Variants in OGG1 observed in about 807,000 individuals in gnomAD.
The protein encoded by OGG1 is N-glycosylase/DNA lyase.
OGG1 carries 35 observed loss-of-function variants against 42.3 expected under a neutral mutation model. The observed-to-expected ratio is 0.83, with a 90% CI of 0.63 to 1.10. OGG1 has a LOEUF of 1.10. Among genes scored for constraint, OGG1 ranks in the 50% least tolerant of loss-of-function variants. The probability of loss-of-function intolerance (pLI) is 0.00; values close to 1 mark genes in which losing one functional copy is unlikely to be tolerated. For missense variants in OGG1, 484 were observed against 446.7 expected (o/e 1.08, Z -0.75); for synonymous variants, 189 against 179.0 (o/e 1.06, Z -0.44).
At chr3:9,752,134 T>C in intron 3 of OGG1, 185 bp downstream of exon 3, 1 of 625,042 alleles carries the variant, frequency 1.6e-6, no homozygotes, top group East Asian at 2.7e-5. Context: ...TGTCAGCACC[T>C]CACTGGTCTG....
At position 9,754,848 on chromosome 3, in the gene OGG1, A is replaced by T. The variant is rs1166515027; in HGVS notation, c.710A>T (p.His237Leu). 1 of 1,607,908 alleles carries T rather than the reference A, an allele frequency of 6.2e-7. No individual in the cohort carries two copies. The highest frequency in any genetic ancestry group is 2.2e-5 in the East Asian group (1 of 44,740). The change falls in exon 4 of 7, where the codon CAC becomes CTC. Residue 237 changes from histidine to leucine, a missense_variant. His to Leu is a moderately conservative substitution (Grantham distance 99, BLOSUM62 -3). Transcript: ENST00000344629. Reference protein sequence around the residue: ...QLRESSYEEAHKALCILPGVG... With the variant: ...QLRESSYEEALKALCILPGVG... The stretch of plus-strand genomic sequence containing the variant: ...CGAGAGTCCTCATATGAGGAGGCCC[A>T]CAAGGCCCTCTGCATCCTGCCTGGA...
chr3:9,761,731 C>T, downstream of OGG1: 1 of 1,614,104 alleles, frequency 6.2e-7, no homozygotes, highest in Non-Finnish European at 8.5e-7. Flanking sequence ...AGTCTTCATC[C>T]AGGCTGTAGT....
At position 9,750,274 on chromosome 3, in the gene OGG1, G is replaced by A; in HGVS notation, c.-13G>A. The A allele has an allele frequency of 6.2e-7, 1 of 1,606,784 alleles. No individual in the cohort carries two copies. Among genetic ancestry groups the A allele is most frequent in the Non-Finnish European group, 8.5e-7 (1 of 1,176,136 alleles). On this transcript the variant is annotated 5_prime_UTR_variant, in exon 1 of 7. Transcript: ENST00000344629. ...GTAGGCGGGGCTACTACGGGGCGGT[G>A]CCTGCTGTGGAAATGCCTGCCCGCG...
chr3:9,776,483 G>A (rs1250992408), intron 2 of OGG1, among the ~76,000 whole-genome samples: 43 of 147,022 alleles, frequency 2.9e-4, no homozygotes, highest in Admixed American at 1.3e-3. Context: ...TCCGCCTCCC[G>A]GGTTCACGCC....
rs199715432 is a variant in OGG1 at position 9,753,387 on chromosome 3, TCA to T, written c.566-1313_566-1312del. Among the ~76,000 whole-genome samples the T allele has an allele frequency of 4.3e-3, 623 of 146,544 alleles. 14 individuals are homozygous for T. The highest frequency in any genetic ancestry group is 0.029 in the Admixed American group (416 of 14,482). On this transcript the variant is annotated intron_variant, in intron 3 of 6. Transcript: ENST00000344629. ...AAAAAACCTGGCCGGGCGTGGTGGC[TCA>T]CACCCGTAATCCCAGCATTTTGGGA...
chr3:9,781,729 C>T, intron 3 of OGG1: 1 of 406,156 alleles, frequency 2.5e-6, no homozygotes, highest in South Asian at 1.7e-5. Context: ...AGGAGATGCT[C>T]AGGTCAGGGG....
At chr3:9,786,776 C>T (rs759921916) in intron 3 of OGG1, among the ~76,000 whole-genome samples, 4 of 152,200 alleles carry the variant, frequency 2.6e-5, no homozygotes, top group Admixed American at 2.0e-4. Context: ...GCTGGTAATA[C>T]AAGCTCATTT....
chr3:9,783,219 GAAA>G (rs1212329391), intron 3 of OGG1: 1 of 151,766 alleles, frequency 6.6e-6, no homozygotes, highest in Non-Finnish European at 1.5e-5. Flanking sequence ...GGGATAAAAA[GAAA>G]AGAAGCATGA....
intron 2 of OGG1, 105 bp downstream of exon 2, chr3:9,751,297 CT>C (rs757235460): frequency 4.2e-6 from 5 of 1,192,454 alleles, no homozygotes; most frequent in Non-Finnish European, 6.1e-6. Flanking sequence ...ACTTCATAGG[CT>C]TTTATGAGGA....
At chr3:9,756,686 G>A in intron 5 of OGG1, 65 bp downstream of exon 5, 6 of 1,613,188 alleles carry the variant, frequency 3.7e-6, no homozygotes, top group Non-Finnish European at 4.2e-6. Flanking sequence ...CTCTCTCTTA[G>A]TCACCTCTCC....
chr3:9,762,805 A>C (rs2077947517), intron 7 of OGG1: 2 of 1,070,394 alleles, frequency 1.9e-6, no homozygotes, highest in Non-Finnish European at 2.8e-6. Context: ...TGTAGATGGA[A>C]ATCCAAGGCT....
At chr3:9,753,155 C>T (rs1559683708) in intron 3 of OGG1, among the ~76,000 whole-genome samples, 1 of 151,676 alleles carries the variant, frequency 6.6e-6, no homozygotes, top group Admixed American at 6.6e-5. Flanking sequence ...AGTTTGAGAC[C>T]AGACTGGCCA....
At chr3:9,755,603 A>G (rs1180496980) in intron 4 of OGG1, among the ~76,000 whole-genome samples, 1 of 151,396 alleles carries the variant, frequency 6.6e-6, no homozygotes, top group Non-Finnish European at 1.5e-5. Context: ...AGCTGGGATT[A>G]CAGGCATGCG....
chr3:9,786,078 A>C (rs542684273), intron 3 of OGG1, among the ~76,000 whole-genome samples: 1 of 152,190 alleles, frequency 6.6e-6, no homozygotes, highest in South Asian at 2.1e-4. Context: ...AGTTGGGACT[A>C]CAGGCGCCTG....
Position 9,754,721 on chromosome 3 carries a change from C to T in OGG1, c.583C>T (p.His195Tyr), listed in dbSNP as rs545825409. Reference protein sequence around the residue: ...QALAGPEVEAHLRKLGLGYRA... With the variant: ...QALAGPEVEAYLRKLGLGYRA... ...CCCCGCAGGGCCAGAGGTGGAGGCTCATCTCAGGAAGCTGGGCCTGGGCTA... is the reference window on the plus strand; with the variant it reads ...CCCCGCAGGGCCAGAGGTGGAGGCTTATCTCAGGAAGCTGGGCCTGGGCTA... The change falls in exon 4 of 7, where the codon CAT becomes TAT. Residue 195 changes from histidine (H) to tyrosine (Y), a missense_variant. Transcript: ENST00000344629. 2.4e-5 allele frequency: 39 copies of T among 1,614,152 alleles called. No homozygotes were observed. In the South Asian group the frequency reaches 2.9e-4, roughly 12 times the overall value.
downstream of OGG1, chr3:9,759,112 C>A: frequency 8.0e-7 from 1 of 1,242,330 alleles, no homozygotes; most frequent in Non-Finnish European, 1.2e-6. Flanking sequence ...TCTGGCCAGG[C>A]TTAGCACTTG....
intron 2 of OGG1, among the ~76,000 whole-genome samples, chr3:9,774,070 GAGAAAATGGA>G (rs1207084858): frequency 6.6e-6 from 1 of 152,056 alleles, no homozygotes; most frequent in Non-Finnish European, 1.5e-5. Context: ...ACTAAGATTA[GAGAAAATGGA>G]AGAAATAACA....
downstream of OGG1, chr3:9,757,957 G>T (rs953740336): frequency 1.3e-6 from 2 of 1,488,414 alleles, no homozygotes; most frequent in Admixed American, 2.5e-5. The surrounding 1 kb of genome is among the most constrained non-coding windows in gnomAD (Gnocchi z 4.5). Flanking sequence ...TTTCATTCAG[G>T]AGTTATTTTA....
In OGG1 at chr3:9,750,016, G is replaced by C. The variant is rs984301926; in HGVS notation, c.-271G>C. On this transcript the variant is annotated 5_prime_UTR_variant, in exon 1 of 7. Transcript: ENST00000344629. ...ACAGCTGTGCGCGCCCACAGGCTCT[G>C]GGGGCGGGAGAAGATAAGTCGCAAG... 3.8e-6 allele frequency: 2 copies of C among 523,216 alleles called. No individual in the cohort carries two copies. The highest frequency in any genetic ancestry group is 6.9e-6 in the Non-Finnish European group (2 of 291,810). The allele number at this position is 523,216 out of a possible 1,614,324, so 32.4% of individuals were successfully genotyped here.
Sources: gnomAD v4.1 joint callset for allele counts (sites outside exome capture counted in the v4.1 genomes callset) on GRCh38, gnomAD v4.1.1 for gene constraint, Gnocchi (gnomAD v3.1) non-coding constraint, MANE v1.5 for transcripts, NCBI Gene and HGNC (gene_info 2026-07-23, HGNC 2026-07-21) for gene names.